PPP4R3A: variants seen among roughly 807,000 people sequenced by gnomAD.
The protein encoded by PPP4R3A is protein phosphatase 4 regulatory subunit 3A, also known as serine/threonine-protein phosphatase 4 regulatory subunit 3A.
In PPP4R3A, 15 loss-of-function variants were observed where a neutral mutation model predicts 91.7. The observed-to-expected ratio is 0.16, with a 90% CI of 0.11 to 0.25. The LOEUF is 0.25. PPP4R3A is among the 10% of genes least tolerant of loss of function. PPP4R3A has a pLI of 1.00. For missense variants in PPP4R3A, 623 were observed against 998.4 expected (o/e 0.62, Z 5.07); for synonymous variants, 377 against 348.7 (o/e 1.08, Z -0.91).
At position 91,509,589 on chromosome 14, in the gene PPP4R3A, TC is replaced by T; in HGVS notation, c.58del (p.Asp20ThrfsTer16). The T allele has an allele frequency of 1.2e-6, 2 of 1,603,186 alleles. No homozygotes were observed. On this transcript the variant is annotated frameshift_variant, in exon 1 of 15. Transcript: ENST00000554943. LOFTEE classifies it high-confidence loss of function. ...VYTLNEDRQW[D>X]DRGTGHVSSG... ...CGACACATGCCCGGTGCCCCGGTCG[TC>T]CCACTGCCGGTCCTCGTTGAGCGTG...
chr14:91,503,618 T>C (rs918189792), intron 1 of PPP4R3A, among the ~76,000 whole-genome samples: 4 of 152,162 alleles, frequency 2.6e-5, no homozygotes, highest in Admixed American at 6.6e-5. Context: ...TAATGGATGC[T>C]GGGCTTAATA....
chr14:91,487,720 T>C (rs1469125780), intron 2 of PPP4R3A, among the ~76,000 whole-genome samples: 1 of 151,956 alleles, frequency 6.6e-6, no homozygotes, highest in Non-Finnish European at 1.5e-5. Flanking sequence ...TCTGTTTTTT[T>C]TTGTTTGTTT....
At chr14:91,461,788 AGAG>A (rs1046418909) in intron 13 of PPP4R3A, 181 bp from the exon 14 acceptor site, 2 of 840,222 alleles carry the variant, frequency 2.4e-6, no homozygotes, top group African/African-American at 1.7e-5. Context: ...ATCTTACCCC[AGAG>A]AAGAATTGAA....
In PPP4R3A at chr14:91,490,517, C is replaced by T. The variant is rs575268136; in HGVS notation, c.198+230G>A. ...GTAAAAACAAGGAAATTTTAGGGCT[C>T]AGTTGCTATAGTAGGTGGAACACAA... On this transcript the variant is annotated intron_variant, in intron 2 of 14. Coordinates refer to ENST00000554943, the MANE Select transcript of PPP4R3A (RefSeq NM_001366432.2). Among the ~76,000 whole-genome samples the T allele has an allele frequency of 1.1e-3, 164 of 151,952 alleles. 1 individual carries two copies. The highest frequency in any genetic ancestry group is 3.9e-3 in the African/African-American group (160 of 41,428).
intron 1 of PPP4R3A, among the ~76,000 whole-genome samples, chr14:91,494,003 A>G (rs1879950138): frequency 6.9e-6 from 1 of 145,946 alleles, no homozygotes; most frequent in Admixed American, 6.7e-5. Flanking sequence ...ACCTCAGATA[A>G]TCTGCCCGCC....
intron 10 of PPP4R3A, 149 bp from the exon 11 acceptor site, chr14:91,465,568 T>A: frequency 1.7e-6 from 1 of 595,610 alleles, no homozygotes; most frequent in Non-Finnish European, 2.6e-6. Context: ...ACTGTGAACC[T>A]AAAGATAAGG....
intron 1 of PPP4R3A, among the ~76,000 whole-genome samples, chr14:91,500,561 T>C (rs767385326): frequency 1.3e-5 from 2 of 152,146 alleles, no homozygotes; most frequent in Non-Finnish European, 2.9e-5. Context: ...TGTACTGTTG[T>C]ATAGCAGGAA....
chr14:91,473,774 T>G (rs1442212135), intron 7 of PPP4R3A, among the ~76,000 whole-genome samples: 1 of 152,220 alleles, frequency 6.6e-6, no homozygotes, highest in Admixed American at 6.5e-5. Flanking sequence ...GCTTTTATTT[T>G]TATTTTATTT....
At chr14:91,499,031 C>T (rs544131643) in intron 1 of PPP4R3A, among the ~76,000 whole-genome samples, 1 of 151,874 alleles carries the variant, frequency 6.6e-6, no homozygotes, top group Admixed American at 6.6e-5. Context: ...ATGATCTGCC[C>T]CCGCCCTGGC....
intron 1 of PPP4R3A, among the ~76,000 whole-genome samples, chr14:91,494,204 T>C (rs1277086451): frequency 6.6e-6 from 1 of 152,218 alleles, no homozygotes; most frequent in East Asian, 1.9e-4. Context: ...TAACAAATTA[T>C]ATTTCAGAAG....
chr14:91,500,757 C>A (rs1308490964), intron 1 of PPP4R3A, among the ~76,000 whole-genome samples: 5 of 152,126 alleles, frequency 3.3e-5, no homozygotes, highest in Non-Finnish European at 7.3e-5. Flanking sequence ...CATGGTGGCT[C>A]ATTACTGTAA....
At position 91,457,701 on chromosome 14, in the gene PPP4R3A, T is replaced by C. The variant is rs1467724313; in HGVS notation, c.*1058A>G. The C allele has an allele frequency of 2.6e-5, 4 of 152,638 alleles. No individual in the cohort carries two copies. The highest frequency in any genetic ancestry group is 2.0e-4 in the Admixed American group (3 of 15,286). 9.5% of individuals were successfully genotyped at this position (152,638 alleles called of 1,614,324 possible). On this transcript the variant is annotated 3_prime_UTR_variant, in exon 15 of 15. Transcript: ENST00000554943. ...CAATTTTGATTTAATGTACCGTCAT[T>C]TCCCCAAGAAAAGAAATTTCAGAAT... is the stretch of plus-strand genomic sequence containing the variant.
intron 3 of PPP4R3A, among the ~76,000 whole-genome samples, chr14:91,482,438 A>G (rs572997614): frequency 4.6e-5 from 7 of 152,300 alleles, no homozygotes; most frequent in Admixed American, 1.3e-4. Context: ...GGCAAGAACA[A>G]CTTTCTAGGA....
At position 91,482,075 on chromosome 14, in the gene PPP4R3A, C is replaced by A. The variant is rs768951187; in HGVS notation, c.416G>T (p.Arg139Leu). Residue 139 changes from arginine to leucine, a missense_variant, in exon 4 of 15, where the codon CGC becomes CTC. Transcript: ENST00000554943. ...CACAAGTTCTGCAATTTCTTCAAGG[C>A]GACTTAATTCACAAGATGGCAATTC... ...GLELPSCELS[R>L]LEEIAELVAS... is the part of the protein sequence containing the mutation. 1 of 1,613,986 alleles carries A rather than the reference C, an allele frequency of 6.2e-7. No homozygotes were observed. The highest frequency in any genetic ancestry group is 1.1e-5 in the South Asian group (1 of 91,080).
At chr14:91,482,444 T>C (rs558163572) in intron 3 of PPP4R3A, among the ~76,000 whole-genome samples, 1 of 152,146 alleles carries the variant, frequency 6.6e-6, no homozygotes, top group Non-Finnish European at 1.5e-5. Flanking sequence ...AACAACTTTC[T>C]AGGACAGGCT....
intron 2 of PPP4R3A, among the ~76,000 whole-genome samples, chr14:91,487,023 G>T (rs1014148296): frequency 5.3e-5 from 8 of 151,844 alleles, no homozygotes; most frequent in African/African-American, 1.9e-4. Context: ...AAGGCAGGCG[G>T]ATCACCTGAG....
At chr14:91,509,165 GTC>G (rs1364641742) in intron 1 of PPP4R3A, among the ~76,000 whole-genome samples, 2 of 152,216 alleles carry the variant, frequency 1.3e-5, no homozygotes, top group Non-Finnish European at 2.9e-5. Context: ...ATTAATCAGT[GTC>G]TTTCTCAAGG....
intron 9 of PPP4R3A, among the ~76,000 whole-genome samples, chr14:91,471,402 ACT>A (rs1008275518): frequency 6.6e-6 from 1 of 151,814 alleles, no homozygotes; most frequent in African/African-American, 2.4e-5. Flanking sequence ...TGGTGCAATT[ACT>A]CTCTCTCCCT....
At chr14:91,460,316 G>C (rs1888050732) in intron 14 of PPP4R3A, among the ~76,000 whole-genome samples, 1 of 151,726 alleles carries the variant, frequency 6.6e-6, no homozygotes. Context: ...CCTGGCTGCT[G>C]CTTGCTTTAT....
Sources: allele counts gnomAD v4.1 joint callset (sites outside exome capture counted in the v4.1 genomes callset), GRCh38; gene constraint gnomAD v4.1.1; transcripts MANE v1.5; gene names NCBI Gene and HGNC (gene_info 2026-07-23, HGNC 2026-07-21).